The following EFCAB8 variants were observed in gnomAD, a reference collection of about 807,000 sequenced individuals.
The protein encoded by EFCAB8 is EF-hand calcium binding domain 8, also known as EF-hand calcium-binding domain-containing protein 8.
Under a neutral mutation model 116.3 loss-of-function variants are expected in EFCAB8, and 100 were observed. The ratio of observed to expected loss-of-function variants is 0.86; its 90% CI spans 0.73 to 1.02. EFCAB8 has a LOEUF of 1.02. Ranked by LOEUF, EFCAB8 falls within the 50% of genes least tolerant of loss-of-function variation. The pLI is 0.00. For synonymous variants in EFCAB8, 558 were observed against 567.9 expected (o/e 0.98, Z 0.25); for missense variants, 1,320 against 1,416.9 (o/e 0.93, Z 1.10).
chr20:32,910,437 T>A (rs1203827493), intron 15 of EFCAB8, among the ~76,000 whole-genome samples: 1 of 152,108 alleles, frequency 6.6e-6, no homozygotes, highest in African/African-American at 2.4e-5. Flanking sequence ...GCTTCTGAGG[T>A]GTGAGGATAG....
chr20:32,942,592 C>G (rs999280623), intron 22 of EFCAB8, among the ~76,000 whole-genome samples: 4 of 151,704 alleles, frequency 2.6e-5, no homozygotes, highest in Admixed American at 2.6e-4. Flanking sequence ...CAAATATCCC[C>G]CCCAATTTGT....
At chr20:32,949,832 C>T (rs1298452473) in intron 23 of EFCAB8, among the ~76,000 whole-genome samples, 1 of 152,224 alleles carries the variant, frequency 6.6e-6, no homozygotes, top group Non-Finnish European at 1.5e-5. Flanking sequence ...AACCCCATCT[C>T]TGCTAAACAT....
chr20:32,902,984 C>T (rs1175410129), intron 11 of EFCAB8, among the ~76,000 whole-genome samples: 2 of 152,218 alleles, frequency 1.3e-5, no homozygotes, highest in African/African-American at 4.8e-5. Context: ...TTGAAGCCAC[C>T]GTCATCTCCC....
intron 20 of EFCAB8, among the ~76,000 whole-genome samples, chr20:32,921,670 C>T (rs571559764): frequency 1.3e-5 from 2 of 150,866 alleles, no homozygotes; most frequent in South Asian, 2.1e-4. Flanking sequence ...CAGCAGCATT[C>T]GCTGCTAACA....
intron 8 of EFCAB8, among the ~76,000 whole-genome samples, chr20:32,892,722 C>T (rs1345471694): frequency 6.6e-6 from 1 of 152,186 alleles, no homozygotes; most frequent in East Asian, 1.9e-4. Flanking sequence ...TGTTTGTTGG[C>T]TCCTCAGGTG....
chr20:32,958,690 G>C (rs1989048153), intron 24 of EFCAB8, 140 bp downstream of exon 24: 5 of 395,706 alleles, frequency 1.3e-5, no homozygotes, highest in Non-Finnish European at 2.2e-5. Flanking sequence ...CCAGAGGCTT[G>C]AGGGTTGCAG....
At chr20:32,910,487 A>C (rs1986868145) in intron 15 of EFCAB8, among the ~76,000 whole-genome samples, 1 of 151,964 alleles carries the variant, frequency 6.6e-6, no homozygotes, top group Non-Finnish European at 1.5e-5. Context: ...ACTCCCACCC[A>C]CTGGGACCTC....
chr20:32,915,965 C>T (rs114834509), intron 17 of EFCAB8, among the ~76,000 whole-genome samples: 397 of 152,224 alleles, frequency 2.6e-3, no homozygotes, highest in African/African-American at 9.0e-3. Context: ...AGCCACCCTG[C>T]CCAGCTGCTG....
chr20:32,896,199 A>G (rs1478053910), intron 9 of EFCAB8, among the ~76,000 whole-genome samples: 1 of 152,090 alleles, frequency 6.6e-6, no homozygotes, highest in African/African-American at 2.4e-5. Context: ...GTGCCCTGAA[A>G]TCTGGTTCTA....
At chr20:32,879,308 G>A (rs375077665) in intron 5 of EFCAB8, among the ~76,000 whole-genome samples, 1,671 of 152,264 alleles carry the variant, frequency 0.011, 38 homozygotes, top group African/African-American at 0.039. Flanking sequence ...GGCTGGCCCC[G>A]GGAGTAGGTC....
intron 5 of EFCAB8, among the ~76,000 whole-genome samples, chr20:32,881,302 T>G (rs1985326368): frequency 6.6e-6 from 1 of 152,186 alleles, no homozygotes; most frequent in African/African-American, 2.4e-5. Flanking sequence ...GTTCAAGTGA[T>G]TCTTCTGCCT....
chr20:32,934,727 G>C (rs963752306), intron 22 of EFCAB8, among the ~76,000 whole-genome samples: 1 of 152,100 alleles, frequency 6.6e-6, no homozygotes, highest in Middle Eastern at 3.2e-3. Context: ...CTTTATAAAG[G>C]GCAGTTCCCC....
At chr20:32,881,215 A>G (rs1240962027) in intron 5 of EFCAB8, among the ~76,000 whole-genome samples, 2 of 151,800 alleles carry the variant, frequency 1.3e-5, no homozygotes, top group African/African-American at 2.4e-5. Context: ...TTCTTTTTTG[A>G]GATGGAGTTT....
In EFCAB8 at chr20:32,893,278, TC is replaced by T; in HGVS notation, c.867del (p.Arg290GlyfsTer17). On this transcript the variant is annotated frameshift_variant, in exon 9 of 27. Transcript: ENST00000400522. LOFTEE classifies it high-confidence loss of function. ...MTSGLFNPRILPRASKWDHWI... is the reference protein window; with the variant it reads ...MTSGLFNPRIXPRASKWDHWI... Reference sequence around the variant, plus strand: ...AGTGGGCTGTTCAACCCCCGTATCCTCCCCAGGGCCTCCAAGTGGGGTAGCT... The same window carrying T: ...AGTGGGCTGTTCAACCCCCGTATCCTCCCAGGGCCTCCAAGTGGGGTAGCT... 1 of 1,551,756 alleles carries T rather than the reference TC, an allele frequency of 6.4e-7. No individual in the cohort carries two copies. Among genetic ancestry groups the T allele is most frequent in the Non-Finnish European group, 8.7e-7 (1 of 1,146,984 alleles).
chr20:32,884,488 C>G (rs549273006), intron 5 of EFCAB8, among the ~76,000 whole-genome samples: 1 of 152,304 alleles, frequency 6.6e-6, no homozygotes, highest in Admixed American at 6.5e-5. Flanking sequence ...CACAATCTAC[C>G]CAGAGCCATG....
At chr20:32,936,693 A>G (rs1487245529) in intron 22 of EFCAB8, among the ~76,000 whole-genome samples, 2 of 152,176 alleles carry the variant, frequency 1.3e-5, no homozygotes, top group Non-Finnish European at 2.9e-5. Context: ...TGCCAGCACC[A>G]TACTGTTTTG....
At chr20:32,960,801 A>G (rs985768707) in intron 26 of EFCAB8, among the ~76,000 whole-genome samples, 2 of 152,152 alleles carry the variant, frequency 1.3e-5, no homozygotes, top group Non-Finnish European at 2.9e-5. Flanking sequence ...CTGGTGTGAG[A>G]TGGATTGCTC....
Position 32,889,297 on chromosome 20 carries a change from C to A in EFCAB8, c.568-4C>A. On this transcript the variant is annotated splice_region_variant and splice_polypyrimidine_tract_variant and intron_variant, in intron 6 of 26. Transcript: ENST00000400522. ...CCCATCTCCTCTGCTCTTCCTCTGG[C>A]CAGCTTAACCAGACCCAGCAGCTCT... The A allele has an allele frequency of 6.4e-7, 1 of 1,551,496 alleles. No individual in the cohort carries two copies. The highest frequency in any genetic ancestry group is 8.7e-7 in the Non-Finnish European group (1 of 1,146,926).
chr20:32,958,538 A>C lies in EFCAB8; in HGVS notation c.3077A>C (p.His1026Pro), dbSNP rs967175843. 3 of 416,348 alleles carry C rather than the reference A, an allele frequency of 7.2e-6. No individual in the cohort carries two copies. The Admixed American group carries it at 1.3e-4, about 18-fold the overall frequency. The allele number at this position is 416,348 out of a possible 1,614,324, so 25.8% of individuals were successfully genotyped here. The change falls in exon 24 of 27, where the codon CAT becomes CCT. Residue 1026 changes from histidine to proline, a missense_variant. By Grantham distance (77) the His-to-Pro change is moderately conservative (BLOSUM62 -2). Transcript: ENST00000400522. ...DSTGTTQKVL[H>P]LELQEQRDLA... ...ACTGGCACCACCCAGAAGGTCTTAC[A>C]TCTGGAGCTGCAGTGAGTGAGCACA... is the stretch of plus-strand genomic sequence containing the variant.
Sources: gnomAD v4.1 joint callset for allele counts (sites outside exome capture counted in the v4.1 genomes callset) on GRCh38, gnomAD v4.1.1 for gene constraint, MANE v1.5 for transcripts, NCBI Gene and HGNC (gene_info 2026-07-23, HGNC 2026-07-21) for gene names.